The following TENM3 variants were observed in gnomAD, a reference collection of about 807,000 sequenced individuals.
TENM3 encodes the protein teneurin transmembrane protein 3.
In TENM3, 63 loss-of-function variants were observed where a neutral mutation model predicts 255.1. The ratio of observed to expected loss-of-function variants is 0.25; its 90% CI spans 0.20 to 0.30. The LOEUF (loss-of-function observed/expected upper bound fraction) is 0.30. TENM3 is among the 10% of genes least tolerant of loss of function. The pLI is 1.00. For missense variants in TENM3, 2,929 were observed against 3,461.1 expected (o/e 0.85, Z 3.86); for synonymous variants, 1,306 against 1,322.3 (o/e 0.99, Z 0.27).
chr4:181,604,121 C>T, the TENM3 span, among the ~76,000 whole-genome samples: 3 of 152,074 alleles, frequency 2.0e-5, no homozygotes, highest in Non-Finnish European at 2.9e-5. Flanking sequence ...AAAAATTAGC[C>T]GGGCGTGGTG....
chr4:182,094,713 G>C, the TENM3 span, among the ~76,000 whole-genome samples: 1 of 152,004 alleles, frequency 6.6e-6, no homozygotes, highest in Non-Finnish European at 1.5e-5. Context: ...CCTCGAAAAA[G>C]AACAAAACAG....
intron 1 of TENM3, among the ~76,000 whole-genome samples, chr4:182,221,386 G>A (rs1464872882): frequency 6.6e-6 from 1 of 152,206 alleles, no homozygotes; most frequent in Non-Finnish European, 1.5e-5. Flanking sequence ...CTTTAGCACT[G>A]TGTTGCTGTC....
At chr4:181,690,959 A>G in the TENM3 span, among the ~76,000 whole-genome samples, 57,310 of 152,106 alleles carry the variant, frequency 0.38, 13,005 homozygotes, top group Non-Finnish European at 0.5. Flanking sequence ...AAAGAAAAAT[A>G]TATGACGGCT....
the TENM3 span, among the ~76,000 whole-genome samples, chr4:182,107,940 G>A: frequency 6.6e-5 from 10 of 152,110 alleles, no homozygotes; most frequent in Non-Finnish European, 1.3e-4. Context: ...GCATTTTCAA[G>A]GAGCGTAAAT....
the TENM3 span, among the ~76,000 whole-genome samples, chr4:181,990,032 T>G: frequency 6.6e-6 from 1 of 152,164 alleles, no homozygotes; most frequent in Non-Finnish European, 1.5e-5. Flanking sequence ...CAGAGTCTAA[T>G]CAGGGCTAAG....
At chr4:182,595,885 A>G (rs1315025181) in intron 3 of TENM3, among the ~76,000 whole-genome samples, 1 of 150,760 alleles carries the variant, frequency 6.6e-6, no homozygotes, top group Non-Finnish European at 1.5e-5. Flanking sequence ...ATTATTTTAT[A>G]GCTTTCATTT....
At chr4:181,871,318 T>G in the TENM3 span, among the ~76,000 whole-genome samples, 1 of 152,118 alleles carries the variant, frequency 6.6e-6, no homozygotes, top group Non-Finnish European at 1.5e-5. Flanking sequence ...TTACATTGAA[T>G]CTATAGTTCA....
At chr4:181,462,468 G>T in the TENM3 span, among the ~76,000 whole-genome samples, 8 of 152,218 alleles carry the variant, frequency 5.3e-5, no homozygotes, top group African/African-American at 1.9e-4. Flanking sequence ...AGTAGCTTGG[G>T]ACAATCTTAG....
At chr4:182,702,897 C>T (rs772515456) in intron 12 of TENM3, among the ~76,000 whole-genome samples, 40 of 150,728 alleles carry the variant, frequency 2.7e-4, no homozygotes, top group Non-Finnish European at 4.4e-4. Flanking sequence ...CCACCATGCC[C>T]GGCTAATTTT....
the TENM3 span, among the ~76,000 whole-genome samples, chr4:181,908,843 A>T: frequency 3.3e-5 from 5 of 152,246 alleles, no homozygotes; most frequent in Non-Finnish European, 7.3e-5. Context: ...CACTAAATAT[A>T]CCTCAAAGAC....
the TENM3 span, among the ~76,000 whole-genome samples, chr4:182,086,444 A>G: frequency 6.6e-6 from 1 of 152,238 alleles, no homozygotes; most frequent in Non-Finnish European, 1.5e-5. Flanking sequence ...TTTTCTTGCC[A>G]CGTGTATCTG....
chr4:182,244,116 G>T (rs2150081417), intron 1 of TENM3, among the ~76,000 whole-genome samples: 1 of 151,708 alleles, frequency 6.6e-6, no homozygotes, highest in Admixed American at 6.6e-5. Context: ...ACCACGCCCG[G>T]CTAATTTTTT....
rs115398715 is a variant in TENM3 at position 182,323,452 on chromosome 4, G to T, written c.-75-494G>T. 6.2e-3 allele frequency among the ~76,000 whole-genome samples: 918 copies of T among 149,176 alleles called. 10 individuals are homozygous for T. The highest frequency in any genetic ancestry group is 0.021 in the African/African-American group (864 of 40,706). ...AAAAAAAAAAAAGTTCAATGCATTT[G>T]ACAAAGTTTCAGTGGCAAGAATTTC... On this transcript the variant is annotated intron_variant, in intron 1 of 27. Coordinates refer to ENST00000511685, the MANE Select transcript of TENM3 (RefSeq NM_001080477.4).
the TENM3 span, among the ~76,000 whole-genome samples, chr4:181,881,532 A>T: frequency 6.6e-6 from 1 of 152,164 alleles, no homozygotes; most frequent in Non-Finnish European, 1.5e-5. Context: ...ACCACATATC[A>T]TGTACAAAGC....
intron 24 of TENM3, among the ~76,000 whole-genome samples, chr4:182,777,511 A>ATGTGTGTGTTTGTGTG (rs1764771061): frequency 1.0e-5 from 1 of 99,852 alleles, no homozygotes; most frequent in South Asian, 3.9e-4. Context: ...TAATGTGTTT[A>ATGTGTGTGTTTGTGTG]TGTGTGTGTG....
chr4:181,535,985 A>T, the TENM3 span, among the ~76,000 whole-genome samples: 1 of 152,002 alleles, frequency 6.6e-6, no homozygotes, highest in Non-Finnish European at 1.5e-5. Flanking sequence ...TTTCCCTAAT[A>T]AAAAAAATTC....
At chr4:181,741,397 T>C in the TENM3 span, among the ~76,000 whole-genome samples, 1 of 152,160 alleles carries the variant, frequency 6.6e-6, no homozygotes, top group Non-Finnish European at 1.5e-5. Context: ...TGAGAATTTG[T>C]ATATTTAATA....
At chr4:182,585,301 T>A (rs1745905218) in intron 3 of TENM3, among the ~76,000 whole-genome samples, 1 of 152,130 alleles carries the variant, frequency 6.6e-6, no homozygotes, top group South Asian at 2.1e-4. Flanking sequence ...GCTTAAACTG[T>A]CCCATTTGGG....
intron 13 of TENM3, among the ~76,000 whole-genome samples, chr4:182,726,185 G>T (rs901884128): frequency 2.0e-5 from 3 of 152,030 alleles, no homozygotes; most frequent in Non-Finnish European, 4.4e-5. Flanking sequence ...ACTTAATTCA[G>T]ATATTCACTT....
Sources: gnomAD v4.1 joint callset for allele counts (sites outside exome capture counted in the v4.1 genomes callset) on GRCh38, gnomAD v4.1.1 for gene constraint, MANE v1.5 for transcripts, NCBI Gene and HGNC (gene_info 2026-07-23, HGNC 2026-07-21) for gene names.